IMMP2L: variants seen among roughly 807,000 people sequenced by gnomAD.
The protein encoded by IMMP2L is mitochondrial inner membrane protease subunit 2.
Under a neutral mutation model 19.3 loss-of-function variants are expected in IMMP2L, and 18 were observed. The observed-to-expected ratio is 0.93, with a 90% CI of 0.64 to 1.38. IMMP2L has a LOEUF of 1.38. IMMP2L is among the 40% of genes most tolerant of loss of function. The pLI, the probability that IMMP2L is intolerant of heterozygous loss-of-function variation, is 0.00. For synonymous variants in IMMP2L, 76 were observed against 73.0 expected (o/e 1.04, Z -0.21); for missense variants, 233 against 218.2 (o/e 1.07, Z -0.43).
chr7:111,421,463 G>A (rs745801432), intron 3 of IMMP2L, among the ~76,000 whole-genome samples: 15 of 150,434 alleles, frequency 1.0e-4, no homozygotes, highest in Non-Finnish European at 1.6e-4. Flanking sequence ...TAGTAGAGAC[G>A]GGGTTTCACC....
chr7:110,866,874 G>T (rs1324636184), intron 5 of IMMP2L, among the ~76,000 whole-genome samples: 20 of 152,096 alleles, frequency 1.3e-4, no homozygotes, highest in African/African-American at 4.8e-4. Flanking sequence ...TTTACAAAAT[G>T]TTCAAAGAAC....
chr7:111,511,834 T>G (rs1462528789), intron 2 of IMMP2L, among the ~76,000 whole-genome samples: 1 of 152,124 alleles, frequency 6.6e-6, no homozygotes, highest in African/African-American at 2.4e-5. Flanking sequence ...AGCAAGGAGC[T>G]GGACTTCTAA....
At chr7:111,371,118 G>C (rs1165702130) in intron 3 of IMMP2L, among the ~76,000 whole-genome samples, 1 of 151,914 alleles carries the variant, frequency 6.6e-6, no homozygotes, top group Non-Finnish European at 1.5e-5. Context: ...GATGAGGTAA[G>C]GAAGAACAGA....
At chr7:110,753,966 A>C (rs1797892007) in intron 5 of IMMP2L, among the ~76,000 whole-genome samples, 1 of 152,032 alleles carries the variant, frequency 6.6e-6, no homozygotes, top group Admixed American at 6.6e-5. Flanking sequence ...GCACCATCTA[A>C]GCATCCCAGT....
chr7:111,322,269 T>A (rs964774110), intron 3 of IMMP2L, among the ~76,000 whole-genome samples: 1 of 151,872 alleles, frequency 6.6e-6, no homozygotes, highest in Non-Finnish European at 1.5e-5. Context: ...CCCATGGAAA[T>A]AGTATGTGCC....
At position 111,169,318 on chromosome 7, in the gene IMMP2L, C is replaced by T. The variant is rs566545507; in HGVS notation, c.240-205753G>A. On this transcript the variant is annotated intron_variant, in intron 3 of 5. Coordinates refer to ENST00000405709, the MANE Select transcript of IMMP2L (RefSeq NM_032549.4). ...ACTTAAAAATAGCCTGAAATTTGTA[C>T]TGACTTAAGATGGTACTTCAGGACG... Among the ~76,000 whole-genome samples the T allele has an allele frequency of 7.9e-5, 12 of 151,932 alleles. No individual in the cohort carries two copies. In the East Asian group the frequency reaches 2.3e-3, roughly 30 times the overall value.
chr7:110,819,583 C>T (rs1362922121), intron 5 of IMMP2L, among the ~76,000 whole-genome samples: 1 of 151,988 alleles, frequency 6.6e-6, no homozygotes, highest in Non-Finnish European at 1.5e-5. Context: ...AAAACCATGA[C>T]CTCAGCAACA....
At chr7:111,296,358 T>C (rs530421957) in intron 3 of IMMP2L, among the ~76,000 whole-genome samples, 2 of 151,822 alleles carry the variant, frequency 1.3e-5, no homozygotes, top group Non-Finnish European at 2.9e-5. Context: ...TAAAAACTGA[T>C]AATACTAGAC....
intron 1 of IMMP2L, among the ~76,000 whole-genome samples, chr7:111,555,220 G>A (rs563575611): frequency 6.6e-6 from 1 of 152,200 alleles, no homozygotes; most frequent in East Asian, 1.9e-4. Flanking sequence ...ACACTCCTGT[G>A]AAATTTTTCA....
chr7:111,370,125 A>C (rs983027294), intron 3 of IMMP2L, among the ~76,000 whole-genome samples: 1 of 151,988 alleles, frequency 6.6e-6, no homozygotes, highest in African/African-American at 2.4e-5. Context: ...TTTAAACCCC[A>C]ACTCTAACCT....
At chr7:111,323,468 A>G (rs1584625000) in intron 3 of IMMP2L, among the ~76,000 whole-genome samples, 1 of 152,084 alleles carries the variant, frequency 6.6e-6, no homozygotes, top group Non-Finnish European at 1.5e-5. Context: ...TTAGAATGAC[A>G]ATCATTAAAA....
At chr7:111,528,700 C>A (rs1847118409) in intron 1 of IMMP2L, among the ~76,000 whole-genome samples, 1 of 152,160 alleles carries the variant, frequency 6.6e-6, no homozygotes, top group African/African-American at 2.4e-5. Context: ...TCATCCATGG[C>A]AACCAGGTGG....
intron 4 of IMMP2L, among the ~76,000 whole-genome samples, chr7:110,893,393 T>A (rs1359866490): frequency 2.6e-5 from 4 of 152,194 alleles, no homozygotes; most frequent in African/African-American, 4.8e-5. Context: ...CAATACGTAT[T>A]CTTTTATTTC....
rs1820834901 is a variant in IMMP2L, at chr7:110,977,646, T to A, written c.240-14081A>T. Among the ~76,000 whole-genome samples the A allele has an allele frequency of 2.0e-5, 3 of 152,086 alleles. No individual in the cohort carries two copies. In the South Asian group the frequency reaches 6.2e-4, roughly 31 times the overall value. ...TAGCAAGCTTGACTCTACTTTCAAA[T>A]AAATGCCAAATGACTTCTCTCTTTC... On this transcript the variant is annotated intron_variant, in intron 3 of 5. Coordinates refer to ENST00000405709, the MANE Select transcript of IMMP2L (RefSeq NM_032549.4).
intron 3 of IMMP2L, among the ~76,000 whole-genome samples, chr7:111,286,639 GA>G (rs1820516335): frequency 6.6e-6 from 1 of 152,064 alleles, no homozygotes. Context: ...GAAAAAACAG[GA>G]ATATAAATAT....
At chr7:111,146,366 A>C (rs2129600724) in intron 3 of IMMP2L, among the ~76,000 whole-genome samples, 1 of 152,230 alleles carries the variant, frequency 6.6e-6, no homozygotes, top group African/African-American at 2.4e-5. Flanking sequence ...CCTTTCACTT[A>C]TCTGGATCAA....
intron 3 of IMMP2L, among the ~76,000 whole-genome samples, chr7:111,359,493 G>C (rs890975871): frequency 6.6e-6 from 1 of 151,852 alleles, no homozygotes; most frequent in African/African-American, 2.4e-5. Context: ...GTAGAGACGG[G>C]GTTTCACCAT....
intron 2 of IMMP2L, among the ~76,000 whole-genome samples, chr7:111,519,268 G>C (rs906267285): frequency 3.9e-5 from 6 of 152,222 alleles, no homozygotes; most frequent in Middle Eastern, 3.4e-3. Flanking sequence ...AAAAAAGACG[G>C]AGCACTCCAG....
intron 1 of IMMP2L, among the ~76,000 whole-genome samples, chr7:111,560,039 CAT>C (rs57833656): frequency 0.77 from 117,687 of 151,860 alleles, 47,402 homozygotes; most frequent in East Asian, 0.97. Flanking sequence ...TTATGTTCCA[CAT>C]ATGTTCCATA....
Sources: allele counts gnomAD v4.1 joint callset (sites outside exome capture counted in the v4.1 genomes callset), GRCh38; gene constraint gnomAD v4.1.1; transcripts MANE v1.5; gene names NCBI Gene and HGNC (gene_info 2026-07-23, HGNC 2026-07-21).